The following NCALD variants were observed in gnomAD, a reference collection of about 807,000 sequenced individuals.
The protein encoded by NCALD is neurocalcin-delta.
A neutral mutation model predicts 18.6 loss-of-function variants in NCALD; 10 were observed. That is an observed-to-expected ratio of 0.54 (90% CI 0.33 to 0.91). NCALD has a LOEUF of 0.91. NCALD is among the 40% of genes least tolerant of loss of function. NCALD has a pLI of 0.03. For synonymous variants in NCALD, 88 were observed against 87.4 expected (o/e 1.01, Z -0.04); for missense variants, 184 against 247.6 (o/e 0.74, Z 1.72).
At chr8:101,952,924 T>C (rs1179083705) in intron 2 of NCALD, among the ~76,000 whole-genome samples, 1 of 151,944 alleles carries the variant, frequency 6.6e-6, no homozygotes, top group East Asian at 1.9e-4. Flanking sequence ...AAGACTTCTT[T>C]TTTTTTTTTA....
chr8:101,874,466 C>T (rs1816146182), intron 4 of NCALD, among the ~76,000 whole-genome samples: 1 of 152,176 alleles, frequency 6.6e-6, no homozygotes, highest in African/African-American at 2.4e-5. Context: ...CCTCTTTCAG[C>T]ATTTCCCACA....
chr8:101,781,051 A>G (rs1811993216), intron 1 of NCALD, among the ~76,000 whole-genome samples: 1 of 152,142 alleles, frequency 6.6e-6, no homozygotes, highest in South Asian at 2.1e-4. Context: ...TTGGAAGTTG[A>G]TCAACATTTT....
At chr8:101,906,890 A>G (rs1040407799) in intron 3 of NCALD, among the ~76,000 whole-genome samples, 1 of 152,224 alleles carries the variant, frequency 6.6e-6, no homozygotes. Context: ...ATAAATCTAC[A>G]TAAGTAATAT....
At chr8:101,895,883 G>T (rs1427832061) in intron 3 of NCALD, among the ~76,000 whole-genome samples, 32 of 149,076 alleles carry the variant, frequency 2.1e-4, no homozygotes, top group South Asian at 1.0e-3. Flanking sequence ...ACAAATGGAA[G>T]AACATTCCAT....
At chr8:101,807,061 T>G (rs1391710690) in intron 4 of NCALD, among the ~76,000 whole-genome samples, 1 of 152,010 alleles carries the variant, frequency 6.6e-6, no homozygotes, top group Non-Finnish European at 1.5e-5. Context: ...CCAGCAAAAC[T>G]ATCTTTCAAA....
At chr8:102,079,760 T>A (rs1258433353) in intron 1 of NCALD, among the ~76,000 whole-genome samples, 1 of 152,234 alleles carries the variant, frequency 6.6e-6, no homozygotes, top group Non-Finnish European at 1.5e-5. Context: ...GAATATGAAC[T>A]GCAATGCATA....
At chr8:101,816,545 G>A (rs1813504993) in intron 4 of NCALD, among the ~76,000 whole-genome samples, 1 of 152,046 alleles carries the variant, frequency 6.6e-6, no homozygotes, top group African/African-American at 2.4e-5. Flanking sequence ...TTTATGTTTT[G>A]TCACTTCTTT....
chr8:102,077,144 G>T (rs1012235288), intron 1 of NCALD, among the ~76,000 whole-genome samples: 3 of 152,112 alleles, frequency 2.0e-5, no homozygotes, highest in Non-Finnish European at 4.4e-5. Flanking sequence ...GCTGGTGGAG[G>T]GGGTGGGGTG....
intron 2 of NCALD, among the ~76,000 whole-genome samples, chr8:101,960,029 T>C (rs1481437429): frequency 6.6e-6 from 1 of 152,166 alleles, no homozygotes; most frequent in Non-Finnish European, 1.5e-5. Context: ...TCTTCAGCCC[T>C]ATCTAATGGC....
chr8:101,714,060 C>T (rs907553494), intron 2 of NCALD, among the ~76,000 whole-genome samples: 1 of 152,228 alleles, frequency 6.6e-6, no homozygotes, highest in Non-Finnish European at 1.5e-5. Flanking sequence ...AAGCTGGAAG[C>T]ATTCCCTTTG....
chr8:101,957,996 G>C (rs1045344075), intron 2 of NCALD, among the ~76,000 whole-genome samples: 2 of 152,026 alleles, frequency 1.3e-5, no homozygotes, highest in Non-Finnish European at 2.9e-5. Flanking sequence ...CCTCAGCATC[G>C]CCCATACTAT....
rs80309078 is a variant in NCALD, at chr8:101,842,563, T to C, written c.-20+44578A>G. On this transcript the variant is annotated intron_variant, in intron 4 of 6. Coordinates refer to the NCALD transcript ENST00000311028. ...ACTCTGCCCCCTTTGGAATTATCCT[T>C]ATGTTAGTTGCCTCATGGTCACAAG... Among the ~76,000 whole-genome samples the C allele has an allele frequency of 3.0e-3, 453 of 152,340 alleles. 2 individuals carry two copies. The highest frequency in any genetic ancestry group is 4.7e-3 in the Non-Finnish European group (321 of 68,030).
intron 3 of NCALD, chr8:101,690,570 G>A (rs1814681677): frequency 1.0e-6 from 1 of 985,338 alleles, no homozygotes; most frequent in South Asian, 4.7e-5. Flanking sequence ...GACAGGAGGG[G>A]GCCTCCCCCA....
intron 1 of NCALD, among the ~76,000 whole-genome samples, chr8:102,113,849 AT>A (rs1253416360): frequency 6.6e-6 from 1 of 152,238 alleles, no homozygotes. Context: ...GATAAGAACA[AT>A]TTCAGAACAA....
chr8:101,867,300 C>T (rs557378176), intron 4 of NCALD, among the ~76,000 whole-genome samples: 4 of 152,306 alleles, frequency 2.6e-5, no homozygotes, highest in South Asian at 2.1e-4. Flanking sequence ...TAAAATACTA[C>T]ATATTTTACT....
intron 1 of NCALD, among the ~76,000 whole-genome samples, chr8:102,087,873 C>T (rs765896731): frequency 6.7e-6 from 1 of 149,836 alleles, no homozygotes; most frequent in African/African-American, 2.5e-5. Context: ...AGCTCTTCAC[C>T]TTCCCCACCC....
intron 1 of NCALD, among the ~76,000 whole-genome samples, chr8:101,761,393 G>C (rs189920793): frequency 6.6e-6 from 1 of 152,304 alleles, no homozygotes; most frequent in East Asian, 1.9e-4. Flanking sequence ...TGAAGGGCGT[G>C]TGAGCATGGG....
chr8:101,866,362 G>T (rs1188485467), intron 4 of NCALD, among the ~76,000 whole-genome samples: 1 of 152,104 alleles, frequency 6.6e-6, no homozygotes, highest in African/African-American at 2.4e-5. Flanking sequence ...ATACTTTCCA[G>T]GTGATCTTAT....
At chr8:101,928,826 G>C (rs1818434045) in intron 2 of NCALD, among the ~76,000 whole-genome samples, 1 of 152,126 alleles carries the variant, frequency 6.6e-6, no homozygotes. Flanking sequence ...ATTAGCATTT[G>C]TAGTGAAAGA....
Sources: gnomAD v4.1 joint callset for allele counts (sites outside exome capture counted in the v4.1 genomes callset) on GRCh38, gnomAD v4.1.1 for gene constraint, MANE v1.5 for transcripts, NCBI Gene and HGNC (gene_info 2026-07-23, HGNC 2026-07-21) for gene names.